The following NTF3 variants were observed in gnomAD, a reference collection of about 807,000 sequenced individuals.
NTF3 encodes the protein neurotrophin 3.
NTF3 carries 8 observed loss-of-function variants against 26.3 expected under a neutral mutation model. That is an observed-to-expected ratio of 0.30 (90% CI 0.18 to 0.55). The LOEUF (loss-of-function observed/expected upper bound fraction) is 0.55. NTF3 is among the 20% of genes least tolerant of loss of function. NTF3 has a pLI of 0.93. For missense variants in NTF3, 276 were observed against 352.9 expected, an observed-to-expected ratio of 0.78 and a Z score of 1.75; for synonymous variants, 154 against 145.5, an observed-to-expected ratio of 1.06 and a Z score of -0.42.
intron 1 of NTF3, among the ~76,000 whole-genome samples, chr12:5,443,732 T>A (rs1405847675): frequency 6.6e-6 from 1 of 152,214 alleles, no homozygotes; most frequent in Non-Finnish European, 1.5e-5. Context: ...GAAAAGATTG[T>A]TTTCTATAGC....
chr12:5,476,647 T>C (rs1258073792), intron 1 of NTF3, among the ~76,000 whole-genome samples: 3 of 152,196 alleles, frequency 2.0e-5, no homozygotes, highest in Non-Finnish European at 2.9e-5. Context: ...TAGTAAGCTC[T>C]GCACATGGAG....
chr12:5,449,070 T>C (rs1940340302), intron 1 of NTF3, among the ~76,000 whole-genome samples: 1 of 152,164 alleles, frequency 6.6e-6, no homozygotes, highest in Non-Finnish European at 1.5e-5. Context: ...TGGAAATGAC[T>C]AGGGCCATGG....
At chr12:5,451,528 T>C (rs1426845111) in intron 1 of NTF3, among the ~76,000 whole-genome samples, 1 of 152,246 alleles carries the variant, frequency 6.6e-6, no homozygotes, top group Non-Finnish European at 1.5e-5. Flanking sequence ...TTCTAATGTA[T>C]GTTCAACATA....
intron 1 of NTF3, among the ~76,000 whole-genome samples, chr12:5,454,421 G>T (rs890657941): frequency 1.1e-4 from 17 of 152,108 alleles, no homozygotes; most frequent in Non-Finnish European, 2.4e-4. Context: ...TCCAAATAAG[G>T]TCATGTGCTC....
At chr12:5,444,385 A>G (rs1940278127) in intron 1 of NTF3, among the ~76,000 whole-genome samples, 1 of 152,202 alleles carries the variant, frequency 6.6e-6, no homozygotes, top group South Asian at 2.1e-4. Context: ...GTGGAGAGAG[A>G]GCAGGAGTCC....
chr12:5,492,173 A>G (rs1452815329), intron 1 of NTF3, among the ~76,000 whole-genome samples: 2 of 152,194 alleles, frequency 1.3e-5, no homozygotes, highest in African/African-American at 4.8e-5. Flanking sequence ...TCCTCAATCC[A>G]TCAGCATCAG....
chr12:5,494,125 T>TAGAG lies in NTF3; in HGVS notation c.19-67_19-66insAGAG. On this transcript the variant is annotated intron_variant, in intron 1 of 1. Coordinates refer to ENST00000423158, the MANE Select transcript of NTF3 (RefSeq NM_001102654.2). The surrounding 1 kb of genome is among the most constrained non-coding windows in gnomAD (Gnocchi z 8.3). The stretch of plus-strand genomic sequence containing the variant: ...CCTCACAGGGCTACTCAGCCTCAGG[T>TAGAG]AGCTGGTGCCAGAATAACACAGACT... 6.7e-7 allele frequency: 1 copy of TAGAG among 1,494,212 alleles called. No homozygotes were observed. The highest frequency in any genetic ancestry group is 9.1e-7 in the Non-Finnish European group (1 of 1,096,826). The allele number at this position is 1,494,212 out of a possible 1,614,324, so 92.6% of individuals were successfully genotyped here. A position where few individuals can be genotyped will look rare whatever the true frequency, so the allele number is the denominator to read the frequency against.
In NTF3 at chr12:5,494,146, A is replaced by T; in HGVS notation, c.19-48A>T. On this transcript the variant is annotated intron_variant, in intron 1 of 1. Coordinates refer to ENST00000423158, the MANE Select transcript of NTF3 (RefSeq NM_001102654.2). The surrounding 1 kb of genome is among the most constrained non-coding windows in gnomAD (Gnocchi z 8.3). ...CAGGTAGCTGGTGCCAGAATAACAC[A>T]GACTCAGCTGCCAGAGCCTGCTCTT... The T allele has an allele frequency of 6.4e-7, 1 of 1,573,394 alleles. No individual in the cohort carries two copies. The highest frequency in any genetic ancestry group is 8.6e-7 in the Non-Finnish European group (1 of 1,158,340).
At chr12:5,446,541 T>C (rs1037061925) in intron 1 of NTF3, among the ~76,000 whole-genome samples, 3 of 151,966 alleles carry the variant, frequency 2.0e-5, no homozygotes, top group Non-Finnish European at 4.4e-5. Flanking sequence ...ATTGAGAAAA[T>C]AGTAGTTCTC....
intron 1 of NTF3, among the ~76,000 whole-genome samples, chr12:5,462,743 C>A (rs1010460927): frequency 3.3e-5 from 5 of 152,202 alleles, no homozygotes; most frequent in Admixed American, 2.0e-4. Flanking sequence ...CTTTCCTGAA[C>A]TAATATAATG....
chr12:5,479,470 T>C (rs964950837), intron 1 of NTF3, among the ~76,000 whole-genome samples: 1 of 152,220 alleles, frequency 6.6e-6, no homozygotes. Flanking sequence ...GGAGCTCCAC[T>C]TACCTGGTGA....
At chr12:5,465,664 AC>A (rs909787441) in intron 1 of NTF3, among the ~76,000 whole-genome samples, 2 of 152,248 alleles carry the variant, frequency 1.3e-5, no homozygotes, top group African/African-American at 4.8e-5. Context: ...TCGCACTCAG[AC>A]TGCTGATGGC....
intron 1 of NTF3, among the ~76,000 whole-genome samples, chr12:5,467,872 G>T (rs1042945740): frequency 1.3e-5 from 2 of 152,054 alleles, no homozygotes; most frequent in African/African-American, 4.8e-5. Flanking sequence ...GTCTCCCCTG[G>T]ATTTATCGTG....
At chr12:5,465,677 A>G (rs535200136) in intron 1 of NTF3, among the ~76,000 whole-genome samples, 1 of 152,372 alleles carries the variant, frequency 6.6e-6, no homozygotes, top group South Asian at 2.1e-4. Context: ...GCTGATGGCC[A>G]CGCAAGGCTT....
chr12:5,432,343 GT>G lies in NTF3; in HGVS notation c.18+2del. The G allele has an allele frequency of 6.2e-7, 1 of 1,611,324 alleles. No homozygotes were observed. The highest frequency in any genetic ancestry group is 8.5e-7 in the Non-Finnish European group (1 of 1,178,730). On this transcript the variant is annotated splice_donor_variant, in intron 1 of 1. Coordinates refer to ENST00000423158, the MANE Select transcript of NTF3 (RefSeq NM_001102654.2). LOFTEE classifies it high-confidence loss of function. Reference sequence around the variant, plus strand: ...GGATGCCATGGTTACTTTTGCCACGGTAAGGGGAGGCGGCGGGCACCTTGGG... The same window carrying G: ...GGATGCCATGGTTACTTTTGCCACGGAAGGGGAGGCGGCGGGCACCTTGGG...
chr12:5,443,533 C>A (rs563794417), intron 1 of NTF3, among the ~76,000 whole-genome samples: 1 of 152,266 alleles, frequency 6.6e-6, no homozygotes, highest in South Asian at 2.1e-4. Flanking sequence ...CTGGACTTTC[C>A]TTCCAAAAAT....
chr12:5,476,465 A>G (rs954302894), intron 1 of NTF3, among the ~76,000 whole-genome samples: 1 of 152,182 alleles, frequency 6.6e-6, no homozygotes, highest in Admixed American at 6.5e-5. Context: ...GAGAACATCA[A>G]TTTGCTGGGC....
At chr12:5,450,924 GT>G in intron 1 of NTF3, among the ~76,000 whole-genome samples, 1 of 152,270 alleles carries the variant, frequency 6.6e-6, no homozygotes, top group East Asian at 1.9e-4. Context: ...CTTAGTAAAG[GT>G]TTTTCAAATG....
At position 5,494,802 on chromosome 12, in the gene NTF3, G is replaced by A; in HGVS notation, c.627G>A (p.Lys209=). Residue 209 remains lysine (K), a synonymous_variant, in exon 2 of 2, where the codon AAG becomes AAA. Transcript: ENST00000423158. This position sits in a 1 kb window ranked among gnomAD's most constrained non-coding sequence, Gnocchi z 8.3. The part of the protein sequence containing the change: ...VKQYFYETRC[K]EARPVKNGCR... The stretch of plus-strand genomic sequence containing the variant: ...AATATTTTTATGAAACGCGATGTAA[G>A]GAAGCCAGGCCGGTCAAAAACGGTT... 6.2e-7 allele frequency: 1 copy of A among 1,614,132 alleles called. No homozygotes were observed. Among genetic ancestry groups the A allele is most frequent in the Non-Finnish European group, 8.5e-7 (1 of 1,180,024 alleles).
Sources: gnomAD v4.1 joint callset for allele counts (sites outside exome capture counted in the v4.1 genomes callset) on GRCh38, gnomAD v4.1.1 for gene constraint, Gnocchi (gnomAD v3.1) non-coding constraint, MANE v1.5 for transcripts, NCBI Gene and HGNC (gene_info 2026-07-23, HGNC 2026-07-21) for gene names.